CAMKK2: variants seen among roughly 807,000 people sequenced by gnomAD.
CAMKK2 encodes calcium/calmodulin-dependent protein kinase kinase 2.
Under a neutral mutation model 67.2 loss-of-function variants are expected in CAMKK2, and 30 were observed. That is an observed-to-expected ratio of 0.45 (90% CI 0.33 to 0.61). The LOEUF is 0.61. CAMKK2 is among the 20% of genes least tolerant of loss of function. CAMKK2 has a pLI of 0.02. For synonymous variants in CAMKK2, 322 were observed against 326.2 expected (o/e 0.99, Z 0.14); for missense variants, 643 against 802.0 (o/e 0.80, Z 2.39).
intron 1 of CAMKK2, among the ~76,000 whole-genome samples, chr12:121,291,097 G>A (rs1366688287): frequency 1.3e-5 from 2 of 152,248 alleles, no homozygotes; most frequent in South Asian, 2.1e-4. Context: ...TGGGATTACA[G>A]GCGTAAGCCA....
upstream of CAMKK2, chr12:121,297,719 C>G: frequency 1.9e-6 from 1 of 516,524 alleles, no homozygotes; most frequent in Non-Finnish European, 3.9e-6. Context: ...GGAGAGTCAA[C>G]CTCCAAGTTA....
chr12:121,279,901 G>A (rs1211458258), intron 1 of CAMKK2, among the ~76,000 whole-genome samples: 3 of 152,246 alleles, frequency 2.0e-5, no homozygotes, highest in Non-Finnish European at 2.9e-5. Flanking sequence ...CATTTCCTAG[G>A]GGCTGTTTCC....
Position 121,269,736 on chromosome 12 carries a change from A to C in CAMKK2, c.520-155T>G, listed in dbSNP as rs548372166. The C allele has an allele frequency of 1.5e-4, 92 of 634,476 alleles. 2 individuals are homozygous for C. In the South Asian group the frequency reaches 1.6e-3, roughly 11 times the overall value. The allele number at this position is 634,476 out of a possible 1,614,324, so 39.3% of individuals were successfully genotyped here. A position where few individuals can be genotyped will look rare whatever the true frequency, so the allele number is the denominator to read the frequency against. On this transcript the variant is annotated intron_variant, in intron 3 of 16. Transcript: ENST00000404169. ...CCCAGGTTTTTACAAAGTTTGGATT[A>C]GTTGCCAAGATTTAAAAACAGAAAG...
Position 121,253,435 on chromosome 12 carries a change from A to G in CAMKK2, c.945T>C (p.Pro315=), listed in dbSNP as rs201863995. Residue 315 remains proline, a synonymous_variant, in exon 10 of 17, where the codon CCT becomes CCC. Coordinates refer to ENST00000404169, the MANE Select transcript of CAMKK2 (RefSeq NM_001270485.2). This position sits in a 1 kb window ranked among gnomAD's most constrained non-coding sequence, Gnocchi z 5.0. ...CATCTTCTCCGACCAGGAGGTTGGA[A>G]GGTTTGATGTCACGGTGGATGATCT... ...YQKIIHRDIK[P]SNLLVGEDGH... is the part of the protein sequence containing the mutation. The G allele has an allele frequency of 2.4e-5, 39 of 1,614,028 alleles. No homozygotes were observed. Among genetic ancestry groups the G allele is most frequent in the Non-Finnish European group, 3.3e-5 (39 of 1,180,036 alleles).
At chr12:121,286,937 A>C (rs1360070082) in intron 1 of CAMKK2, among the ~76,000 whole-genome samples, 1 of 151,672 alleles carries the variant, frequency 6.6e-6, no homozygotes, top group Non-Finnish European at 1.5e-5. Context: ...ACAGGGTCTC[A>C]CTCTATTGCC....
rs63023660 is a variant in CAMKK2 at position 121,240,524 on chromosome 12, C to CT, written c.*174dup. The CT allele has an allele frequency of 0.012, 16,479 of 1,384,700 alleles. 10 individuals are homozygous for CT. Among genetic ancestry groups the CT allele is most frequent in the Admixed American group, 0.015 (705 of 45,764 alleles). 85.8% of individuals were successfully genotyped at this position (1,384,700 alleles called of 1,614,324 possible). A position where few individuals can be genotyped will look rare whatever the true frequency, so the allele number is the denominator to read the frequency against. On this transcript the variant is annotated 3_prime_UTR_variant, in exon 17 of 17. Transcript: ENST00000404169. This position sits in a 1 kb window ranked among gnomAD's most constrained non-coding sequence, Gnocchi z 4.4. ...ACGGTCGACGTCATGGAGTCAAGTC[C>CT]TTTTTTTTTTTTTGTCCCCTTTAAA...
intron 13 of CAMKK2, 22 bp downstream of exon 13, chr12:121,249,765 G>A (rs749173941): frequency 1.2e-6 from 2 of 1,605,972 alleles, no homozygotes; most frequent in South Asian, 1.1e-5. Flanking sequence ...CGAGCACGGG[G>A]CACAGGCTGA....
In CAMKK2 at chr12:121,274,162, A is replaced by T; in HGVS notation, c.365T>A (p.Ile122Asn). ...GGGTGAGTAGGGCAGGGACGGGCAG[A>T]TGCAGCGTCCGTTCATGTCCAGGCT... ...GGSLDMNGRC[I>N]CPSLPYSPVS... Residue 122 changes from isoleucine (I) to asparagine (N), a missense_variant, in exon 2 of 17, where the codon ATC becomes AAC. Transcript: ENST00000404169. 1 of 1,596,698 alleles carries T rather than the reference A, an allele frequency of 6.3e-7. No homozygotes were observed.
intron 1 of CAMKK2, among the ~76,000 whole-genome samples, chr12:121,276,547 C>T (rs1254717704): frequency 6.6e-6 from 1 of 152,170 alleles, no homozygotes; most frequent in African/African-American, 2.4e-5. Flanking sequence ...GAACATTAAC[C>T]TTTGCTTAAC....
intron 14 of CAMKK2, among the ~76,000 whole-genome samples, chr12:121,247,515 C>A (rs947197274): frequency 6.6e-6 from 1 of 152,234 alleles, no homozygotes; most frequent in Non-Finnish European, 1.5e-5. Context: ...AACACAGTAA[C>A]CCACGGTGGG....
At position 121,262,237 on chromosome 12, in the gene CAMKK2, G is replaced by T. The variant is rs1415307455; in HGVS notation, c.759+1569C>A. 3.3e-5 allele frequency among the ~76,000 whole-genome samples: 5 copies of T among 152,160 alleles called. No homozygotes were observed. The East Asian group carries it at 9.7e-4, about 29-fold the overall frequency. On this transcript the variant is annotated intron_variant, in intron 6 of 16. Coordinates refer to ENST00000404169, the MANE Select transcript of CAMKK2 (RefSeq NM_001270485.2). ...TCATAAAAATGTATTACTCGGCCGG[G>T]TGCAGTGGCTCACTCCTGTAATCCC...
upstream of CAMKK2, chr12:121,297,749 C>G (rs753934305): frequency 2.0e-6 from 1 of 505,506 alleles, no homozygotes; most frequent in Non-Finnish European, 3.9e-6. Flanking sequence ...TCAAAGCCCT[C>G]TAGTTAACTG....
At chr12:121,252,213 T>C (rs1031802606) in intron 11 of CAMKK2, among the ~76,000 whole-genome samples, 3 of 152,244 alleles carry the variant, frequency 2.0e-5, no homozygotes, top group Non-Finnish European at 4.4e-5. Context: ...ACATGTATAT[T>C]TAGGAAGGCA....
At chr12:121,255,222 A>ATATATATATAAT (rs1319654437) in intron 9 of CAMKK2, among the ~76,000 whole-genome samples, 972 of 17,350 alleles carry the variant, frequency 0.056, 197 homozygotes, top group African/African-American at 0.14. Context: ...ATATAATTTT[A>ATATATATATAAT]TATATATATA....
At chr12:121,295,945 G>A (rs1298663652) in intron 1 of CAMKK2, among the ~76,000 whole-genome samples, 1 of 137,938 alleles carries the variant, frequency 7.2e-6, no homozygotes, top group Non-Finnish European at 1.6e-5. Context: ...AATGCTGAGA[G>A]GGGCTGGGTC....
chr12:121,249,922 C>T (rs956145053), intron 12 of CAMKK2, 39 bp downstream of exon 12: 2 of 1,613,330 alleles, frequency 1.2e-6, no homozygotes, highest in Admixed American at 3.3e-5. Context: ...CCGCCAAGAA[C>T]TCGGACAGGA....
chr12:121,254,887 C>T (rs895282719), intron 9 of CAMKK2, among the ~76,000 whole-genome samples: 1 of 151,964 alleles, frequency 6.6e-6, no homozygotes, highest in African/African-American at 2.4e-5. Flanking sequence ...AGTATTAATC[C>T]TGGATGTGTC....
intron 5 of CAMKK2, among the ~76,000 whole-genome samples, chr12:121,267,128 G>A (rs916574266): frequency 4.6e-4 from 41 of 88,330 alleles, no homozygotes; most frequent in African/African-American, 2.1e-3. Context: ...TTTTTTTTGA[G>A]AGATGGAGTC....
At chr12:121,255,519 G>A (rs773808367) in intron 9 of CAMKK2, 31 bp downstream of exon 9, 1 of 1,567,936 alleles carries the variant, frequency 6.4e-7, no homozygotes, top group Admixed American at 1.8e-5. Flanking sequence ...ACTACCCACT[G>A]GGTGAGAGCC....
Sources: allele counts gnomAD v4.1 joint callset (sites outside exome capture counted in the v4.1 genomes callset), GRCh38; gene constraint gnomAD v4.1.1; non-coding constraint Gnocchi (gnomAD v3.1); transcripts MANE v1.5; gene names NCBI Gene and HGNC (gene_info 2026-07-23, HGNC 2026-07-21).